The following DPYD variants were observed in gnomAD, a reference collection of about 807,000 sequenced individuals.
DPYD encodes the protein dihydropyrimidine dehydrogenase [NADP(+)].
Under a neutral mutation model 116.2 loss-of-function variants are expected in DPYD, and 109 were observed. That is an observed-to-expected ratio of 0.94 (90% CI 0.80 to 1.10). DPYD has a LOEUF of 1.10. Among genes scored for constraint, DPYD ranks in the 50% least tolerant of loss-of-function variants. The pLI is 0.00. For missense variants in DPYD, 1,302 were observed against 1,254.5 expected (o/e 1.04, Z -0.57); for synonymous variants, 440 against 432.0 (o/e 1.02, Z -0.23).
intron 8 of DPYD, among the ~76,000 whole-genome samples, chr1:97,662,503 C>T (rs770557394): frequency 1.3e-5 from 2 of 151,748 alleles, no homozygotes; most frequent in Non-Finnish European, 2.9e-5. Context: ...CGTGGTGGCA[C>T]GTGCCTGTAA....
intron 3 of DPYD, among the ~76,000 whole-genome samples, chr1:97,781,609 A>T: frequency 6.6e-6 from 1 of 152,326 alleles, no homozygotes; most frequent in Admixed American, 6.5e-5. Context: ...TCCTAAATGT[A>T]TATGTGATCC....
rs556141092 is a variant in DPYD, at chr1:97,698,043, T to C, written c.680+1308A>G. Among the ~76,000 whole-genome samples the C allele has an allele frequency of 2.2e-4, 33 of 152,128 alleles. No individual in the cohort carries two copies. In the South Asian group the frequency reaches 4.3e-3, roughly 20 times the overall value. The stretch of plus-strand genomic sequence containing the variant: ...ATTAATAAAGCTGTGGTAAATACCA[T>C]TAAAATGATATTCTAAATCTTTCCA... On this transcript the variant is annotated intron_variant, in intron 6 of 22. Transcript: ENST00000370192.
At chr1:97,880,612 A>G (rs919262498) in intron 2 of DPYD, among the ~76,000 whole-genome samples, 2 of 152,048 alleles carry the variant, frequency 1.3e-5, no homozygotes, top group East Asian at 2.0e-4. Flanking sequence ...TTATAAATCG[A>G]GATTACTATT....
At chr1:97,698,236 G>A (rs1013059699) in intron 6 of DPYD, among the ~76,000 whole-genome samples, 1 of 151,634 alleles carries the variant, frequency 6.6e-6, no homozygotes, top group African/African-American at 2.4e-5. Context: ...CCTAAAATGT[G>A]ATATTTTTGC....
intron 18 of DPYD, among the ~76,000 whole-genome samples, chr1:97,280,895 C>G (rs1379743107): frequency 6.6e-6 from 1 of 152,088 alleles, no homozygotes; most frequent in Non-Finnish European, 1.5e-5. Context: ...TAAATCTTAT[C>G]TCCACAAAGA....
At position 97,527,288 on chromosome 1, in the gene DPYD, A is replaced by G. The variant is rs1028718974; in HGVS notation, c.1525-11347T>C. On this transcript the variant is annotated intron_variant, in intron 12 of 22. Transcript: ENST00000370192. ...GAGACAGGGTTTCACCATGTTGGCC[A>G]GGATGGTCTTGATTTCCTGACCTCG... Among the ~76,000 whole-genome samples, 4 of 152,218 alleles carry G rather than the reference A, an allele frequency of 2.6e-5. No homozygotes were observed. The East Asian group carries it at 7.8e-4, about 30-fold the overall frequency.
intron 16 of DPYD, among the ~76,000 whole-genome samples, chr1:97,371,448 C>T (rs1159188470): frequency 6.6e-6 from 1 of 152,058 alleles, no homozygotes; most frequent in Non-Finnish European, 1.5e-5. Context: ...ATAAATTCTG[C>T]ACCCCACCAA....
intron 16 of DPYD, among the ~76,000 whole-genome samples, chr1:97,364,198 A>G (rs2101451734): frequency 6.6e-6 from 1 of 152,366 alleles, no homozygotes; most frequent in East Asian, 1.9e-4. Context: ...GTGGTCAAGG[A>G]AAGAAAAAAT....
intron 13 of DPYD, among the ~76,000 whole-genome samples, chr1:97,472,184 T>C (rs1330937641): frequency 3.3e-5 from 5 of 152,344 alleles, no homozygotes; most frequent in African/African-American, 1.2e-4. Flanking sequence ...AGCATTTCAA[T>C]TGTACTTTCA....
At chr1:97,091,755 T>C (rs1306224868) in intron 21 of DPYD, among the ~76,000 whole-genome samples, 1 of 152,190 alleles carries the variant, frequency 6.6e-6, no homozygotes, top group Non-Finnish European at 1.5e-5. Flanking sequence ...TCTGACATTA[T>C]CCAGTATATA....
intron 18 of DPYD, among the ~76,000 whole-genome samples, chr1:97,274,171 T>A (rs1201977502): frequency 1.1e-4 from 17 of 152,274 alleles, no homozygotes; most frequent in African/African-American, 4.1e-4. Flanking sequence ...TCAAGGAACC[T>A]AGAACATGAT....
intron 1 of DPYD, among the ~76,000 whole-genome samples, chr1:97,918,219 G>A (rs1053288637): frequency 1.3e-5 from 2 of 151,872 alleles, no homozygotes; most frequent in Non-Finnish European, 2.9e-5. Flanking sequence ...TAACATTTTT[G>A]TCCTTTTTCC....
chr1:97,800,445 G>T (rs575959734), intron 3 of DPYD, among the ~76,000 whole-genome samples: 2 of 151,892 alleles, frequency 1.3e-5, no homozygotes, highest in East Asian at 3.9e-4. Flanking sequence ...TAGCCTCATG[G>T]TCTAACCTCT....
At chr1:97,479,009 T>C (rs1318366347) in intron 13 of DPYD, among the ~76,000 whole-genome samples, 1 of 152,236 alleles carries the variant, frequency 6.6e-6, no homozygotes, top group Non-Finnish European at 1.5e-5. Flanking sequence ...CGTCAAGGCC[T>C]TGTTCCAGAT....
In DPYD at chr1:97,632,707, T is replaced by G. The variant is rs1015919281; in HGVS notation, c.851-37541A>C. On this transcript the variant is annotated intron_variant, in intron 8 of 22. Transcript: ENST00000370192. ...GTTGTGCAAATAAGCAACCATTTCC[T>G]TATTGAAATGGTCAACAAGGACCTC... Among the ~76,000 whole-genome samples, 6 of 152,152 alleles carry G rather than the reference T, an allele frequency of 3.9e-5. No homozygotes were observed. In the East Asian group the frequency reaches 1.2e-3, roughly 29 times the overall value.
chr1:97,749,075 A>G (rs1664720073), intron 3 of DPYD, among the ~76,000 whole-genome samples: 1 of 152,204 alleles, frequency 6.6e-6, no homozygotes, highest in Non-Finnish European at 1.5e-5. Flanking sequence ...TCCACACATT[A>G]TCTCTAGCTA....
chr1:97,912,899 T>G (rs1286202038), intron 1 of DPYD, among the ~76,000 whole-genome samples: 2 of 152,142 alleles, frequency 1.3e-5, no homozygotes, highest in South Asian at 4.1e-4. Context: ...CTCAGGTCAC[T>G]GTGGTACAAG....
intron 14 of DPYD, among the ~76,000 whole-genome samples, chr1:97,420,958 T>C (rs1189461373): frequency 6.6e-6 from 1 of 151,902 alleles, no homozygotes; most frequent in African/African-American, 2.4e-5. Flanking sequence ...TGAAACTATT[T>C]AGTTGCTGCC....
At chr1:97,658,588 A>G (rs188067540) in intron 8 of DPYD, among the ~76,000 whole-genome samples, 104 of 152,208 alleles carry the variant, frequency 6.8e-4, no homozygotes, top group African/African-American at 2.5e-3. Context: ...AGACTTAAAT[A>G]ATAATTAATT....
Sources: gnomAD v4.1 joint callset for allele counts (sites outside exome capture counted in the v4.1 genomes callset) on GRCh38, gnomAD v4.1.1 for gene constraint, MANE v1.5 for transcripts, NCBI Gene and HGNC (gene_info 2026-07-23, HGNC 2026-07-21) for gene names.